The following NONO variants were observed in gnomAD, a reference collection of about 807,000 sequenced individuals.
NONO encodes non-POU domain-containing octamer-binding protein.
A neutral mutation model predicts 40.2 loss-of-function variants in NONO; 6 were observed. The ratio of observed to expected loss-of-function variants is 0.15; its 90% CI spans 0.08 to 0.29. The LOEUF is 0.29. Among genes scored for constraint, NONO ranks in the 10% least tolerant of loss-of-function variants. The probability of loss-of-function intolerance (pLI) is 1.00; values close to 1 mark genes in which losing one functional copy is unlikely to be tolerated. For missense variants in NONO, 133 were observed against 397.8 expected (o/e 0.33, Z 5.66); for synonymous variants, 89 against 123.3 (o/e 0.72, Z 1.85).
chrX:71,297,572 C>G (rs2031480918), intron 8 of NONO, 111 bp downstream of exon 8: 2 of 606,423 alleles, frequency 3.3e-6, no homozygotes, highest in African/African-American at 2.3e-5. Flanking sequence ...GCAAATATTT[C>G]CTGGCTGCTT....
chrX:71,287,677 A>G (rs2031220929), intron 2 of NONO, among the ~76,000 whole-genome samples: 1 of 108,828 alleles, frequency 9.2e-6, no homozygotes, highest in South Asian at 3.9e-4. Flanking sequence ...CACTGCACCC[A>G]GCCTATTTTT....
At chrX:71,285,361 A>T (rs1330248186) in intron 2 of NONO, among the ~76,000 whole-genome samples, 1 of 110,884 alleles carries the variant, frequency 9.0e-6, no homozygotes, top group Non-Finnish European at 1.9e-5. Flanking sequence ...GTTTTTTTTT[A>T]AAGGTATCTC....
intron 5 of NONO, among the ~76,000 whole-genome samples, chrX:71,294,760 A>G (rs1194417405): frequency 9.0e-6 from 1 of 111,423 alleles, no homozygotes; most frequent in Non-Finnish European, 1.9e-5. Flanking sequence ...TCTACTAAAA[A>G]TACAAAAAAT....
chrX:71,297,996 T>C (rs752772502), intron 9 of NONO, 58 bp downstream of exon 9: 54 of 800,575 alleles, frequency 6.7e-5, no homozygotes, highest in Non-Finnish European at 1.0e-4. Context: ...TCACCATGAA[T>C]TGTCTGCTAG....
Position 71,294,207 on chromosome X carries a change from G to T in NONO, c.349-20G>T, listed in dbSNP as rs2031387458. 1 of 1,204,418 alleles carries T rather than the reference G, an allele frequency of 8.3e-7. No homozygotes were observed. The highest frequency in any genetic ancestry group is 1.1e-6 in the Non-Finnish European group (1 of 891,239). ...GTTCTTTGTCAAACTGAGTTATTCT[G>T]ATTTTCCTCTGCTTCCTAGGAAACC... is the stretch of plus-strand genomic sequence containing the variant. On this transcript the variant is annotated intron_variant, in intron 4 of 11. Transcript: ENST00000276079.
chrX:71,295,092 C>T (rs1447970547), intron 5 of NONO, among the ~76,000 whole-genome samples: 1 of 105,881 alleles, frequency 9.4e-6, no homozygotes, highest in Non-Finnish European at 1.9e-5. Flanking sequence ...CCAAAATTAG[C>T]GCACATGTAG....
Position 71,296,582 on chromosome X carries a change from CTG to C in NONO, c.671_672del (p.Val224GlyfsTer8). ...TCTTCCAGATTTCCTCGTCCTGTGA[CTG>C]TGGAGCCCATGGACCAGTTAGATGA... is the stretch of plus-strand genomic sequence containing the variant. On this transcript the variant is annotated frameshift_variant, in exon 6 of 12. Coordinates refer to ENST00000276079, the MANE Select transcript of NONO (RefSeq NM_007363.5). LOFTEE classifies it high-confidence loss of function. 8.3e-7 allele frequency: 1 copy of C among 1,202,998 alleles called. No individual in the cohort carries two copies. Among genetic ancestry groups the C allele is most frequent in the Non-Finnish European group, 1.1e-6 (1 of 890,129 alleles).
rs1422917632 is a variant in NONO, at chrX:71,300,488, C to CT, written c.*413dup. 2 of 222,270 alleles carry CT rather than the reference C, an allele frequency of 9.0e-6. No homozygotes were observed. Among genetic ancestry groups the CT allele is most frequent in the East Asian group, 1.5e-4 (2 of 13,057 alleles). The allele number at this position is 222,270 out of a possible 1,213,427, so 18.3% of individuals were successfully genotyped here. On this transcript the variant is annotated 3_prime_UTR_variant, in exon 12 of 12. Coordinates refer to ENST00000276079, the MANE Select transcript of NONO (RefSeq NM_007363.5). ...CTGGAGTGTAGTGGCATGATCTCGGCTCACTGCAATCTCTGCCTCCCGGGT... is the reference window on the plus strand; with the variant it reads ...CTGGAGTGTAGTGGCATGATCTCGGCTTCACTGCAATCTCTGCCTCCCGGGT...
chrX:71,297,058 G>T lies in NONO; in HGVS notation c.943+11G>T. 8.6e-7 allele frequency: 1 copy of T among 1,159,683 alleles called. No individual in the cohort carries two copies. Among genetic ancestry groups the T allele is most frequent in the South Asian group, 2.0e-5 (1 of 50,606 alleles). On this transcript the variant is annotated intron_variant, in intron 7 of 11. Coordinates refer to ENST00000276079, the MANE Select transcript of NONO (RefSeq NM_007363.5). Reference sequence around the variant, plus strand: ...TGCTAATGAGACAGGGTGAGTCTAGGCCTGTAAGTCTTAAAGCTGAAAGGA... The same window carrying T: ...TGCTAATGAGACAGGGTGAGTCTAGTCCTGTAAGTCTTAAAGCTGAAAGGA...
chrX:71,299,529 T>G (rs778176034), intron 11 of NONO, among the ~76,000 whole-genome samples: 1 of 112,819 alleles, frequency 8.9e-6, no homozygotes, highest in Non-Finnish European at 1.9e-5. Context: ...AAATACTTCA[T>G]GGCTCATGCA....
In NONO at chrX:71,296,848, T is replaced by C. The variant is rs1374673952; in HGVS notation, c.747-3T>C. On this transcript the variant is annotated splice_region_variant and splice_polypyrimidine_tract_variant and intron_variant, in intron 6 of 11. Coordinates refer to ENST00000276079, the MANE Select transcript of NONO (RefSeq NM_007363.5). Reference sequence around the variant, plus strand: ...GTTAGTAACCTAGGAACCTTGCCTATAGGGAACGAGAGCAGCCACCCAGAT... The same window carrying C: ...GTTAGTAACCTAGGAACCTTGCCTACAGGGAACGAGAGCAGCCACCCAGAT... The C allele has an allele frequency of 1.7e-6, 2 of 1,203,153 alleles. No individual in the cohort carries two copies. Among genetic ancestry groups the C allele is most frequent in the Admixed American group, 4.5e-5 (2 of 44,617 alleles).
At chrX:71,292,913 A>G (rs1035490254) in intron 4 of NONO, 4 of 112,791 alleles carry the variant, frequency 3.5e-5, no homozygotes, top group African/African-American at 1.3e-4. Flanking sequence ...TGCTCATAGC[A>G]CTGCACTTCA....
At position 71,286,634 on chromosome X, in the gene NONO, T is replaced by TA. The variant is rs1038956892; in HGVS notation, c.-10+2182dup. On this transcript the variant is annotated intron_variant, in intron 2 of 11. Transcript: ENST00000276079. ...CCTTTCCCCGTTAGAATATCAGACA[T>TA]ACTCGTGTTTATGTGGTCTTCATAA... 6.3e-5 allele frequency among the ~76,000 whole-genome samples: 7 copies of TA among 111,929 alleles called. No homozygotes were observed. In the Admixed American group the frequency reaches 6.7e-4, roughly 11 times the overall value.
At chrX:71,297,997 T>A (rs1029934870) in intron 9 of NONO, 59 bp downstream of exon 9, 7 of 788,919 alleles carry the variant, frequency 8.9e-6, no homozygotes, top group Non-Finnish European at 1.3e-5. Context: ...CACCATGAAT[T>A]GTCTGCTAGG....
intron 2 of NONO, among the ~76,000 whole-genome samples, chrX:71,287,332 C>G (rs1300531470): frequency 9.1e-6 from 1 of 110,494 alleles, no homozygotes; most frequent in Non-Finnish European, 1.9e-5. Context: ...CCACCCTCCT[C>G]GGCCTCCCAA....
chrX:71,286,161 TAAAA>T (rs1408128147), intron 2 of NONO, among the ~76,000 whole-genome samples: 2 of 111,745 alleles, frequency 1.8e-5, no homozygotes, highest in Non-Finnish European at 3.8e-5. Flanking sequence ...AATTTTTAAA[TAAAA>T]TTTTAAGTTG....
In NONO at chrX:71,298,380, T is replaced by C; in HGVS notation, c.1132-89T>C. ...GTGCTGTTTGGACGTGTTATCACTC[T>C]ATCTACTTCCCTTAGTGTGTGGTCC... On this transcript the variant is annotated intron_variant, in intron 9 of 11. Transcript: ENST00000276079. The C allele has an allele frequency of 8.9e-6, 7 of 787,679 alleles. No homozygotes were observed. In the South Asian group the frequency reaches 1.2e-4, roughly 14 times the overall value. The allele number at this position is 787,679 out of a possible 1,213,427, so 64.9% of individuals were successfully genotyped here.
chrX:71,284,185 A>C (rs2031138813), intron 1 of NONO: 1 of 112,472 alleles, frequency 8.9e-6, no homozygotes, highest in Non-Finnish European at 1.9e-5. Flanking sequence ...TTAGCTGGAA[A>C]GTTCCTCTGC....
chrX:71,294,155 C>T, intron 4 of NONO, 72 bp from the exon 5 acceptor site: 1 of 1,050,378 alleles, frequency 9.5e-7, no homozygotes, highest in East Asian at 3.0e-5. Flanking sequence ...AACTATACTG[C>T]TTTAGACTGT....
Sources: allele counts gnomAD v4.1 joint callset (sites outside exome capture counted in the v4.1 genomes callset), GRCh38; gene constraint gnomAD v4.1.1; transcripts MANE v1.5; gene names NCBI Gene and HGNC (gene_info 2026-07-23, HGNC 2026-07-21).